NECAB3: variants seen among roughly 807,000 people sequenced by gnomAD.
NECAB3 encodes N-terminal EF-hand calcium-binding protein 3.
NECAB3 carries 38 observed loss-of-function variants against 57.2 expected under a neutral mutation model. That is an observed-to-expected ratio of 0.66 (90% CI 0.51 to 0.87). The LOEUF (loss-of-function observed/expected upper bound fraction) is 0.87. Among genes scored for constraint, NECAB3 ranks in the 40% least tolerant of loss-of-function variants. The pLI is 0.00. For synonymous variants in NECAB3, 223 were observed against 222.6 expected (o/e 1.00, Z -0.02); for missense variants, 474 against 527.5 (o/e 0.90, Z 0.99).
intron 5 of NECAB3, chr20:33,662,347 T>C (rs1267944821): frequency 6.4e-7 from 1 of 1,551,140 alleles, no homozygotes; most frequent in South Asian, 1.2e-5. Context: ...AGCCCTGCCA[T>C]GGGAAACTAT....
chr20:33,663,590 A>G lies in NECAB3; in HGVS notation c.388-3195T>C, dbSNP rs7260921. On this transcript the variant is annotated intron_variant, in intron 5 of 11. Transcript: ENST00000246190. Reference sequence around the variant, plus strand: ...CGGCAGCCGCTGGCCAACGCTGGGCAACGGATTGACTACGCGTCCGGCGCT... The same window carrying G: ...CGGCAGCCGCTGGCCAACGCTGGGCGACGGATTGACTACGCGTCCGGCGCT... 0.03 allele frequency: 48,487 copies of G among 1,611,212 alleles called. 7,257 individuals are homozygous for G. In the African/African-American group the frequency reaches 0.37, roughly 12 times the overall value.
At position 33,660,333 on chromosome 20, in the gene NECAB3, C is replaced by T. The variant is rs752347742; in HGVS notation, c.450G>A (p.Val150=). 4.3e-6 allele frequency: 7 copies of T among 1,613,548 alleles called. No homozygotes were observed. The highest frequency in any genetic ancestry group is 1.3e-5 in the African/African-American group (1 of 75,058). ...AGCTCTGAAGGGCTTGCAGCTGGCT[C>T]ACCGTCTCCCGCAGCAGGAAGCGCG... ...FVTRFLLRET[V]SQLQALQSSL... is the part of the protein sequence containing the mutation. The change falls in exon 6 of 12, where the codon GTG becomes GTA. Residue 150 remains valine, a synonymous_variant. Transcript: ENST00000246190. The surrounding 1 kb of genome is among the most constrained non-coding windows in gnomAD (Gnocchi z 4.1).
chr20:33,674,019 G>T (rs2017892380), intron 1 of NECAB3, among the ~76,000 whole-genome samples: 1 of 152,184 alleles, frequency 6.6e-6, no homozygotes, highest in African/African-American at 2.4e-5. Context: ...GAGGCAGCAG[G>T]GGCAGTGACA....
At chr20:33,669,036 T>C in intron 5 of NECAB3, 1 of 301,330 alleles carries the variant, frequency 3.3e-6, no homozygotes, top group Non-Finnish European at 6.3e-6. Context: ...ACAGTTGTGA[T>C]GGGCCAGCAA....
At chr20:33,665,904 G>A (rs559377423) in intron 5 of NECAB3, among the ~76,000 whole-genome samples, 2 of 152,144 alleles carry the variant, frequency 1.3e-5, no homozygotes, top group Non-Finnish European at 2.9e-5. Flanking sequence ...CCAACGTGGC[G>A]AAACCCTGTC....
At position 33,657,761 on chromosome 20, in the gene NECAB3, G is replaced by A; in HGVS notation, c.*68C>T. ...CAAGTCCTGGTCTTTGCGCTGGGCT[G>A]GCCAGTCCAGAAGGCTCCAGAGGGA... On this transcript the variant is annotated 3_prime_UTR_variant, in exon 12 of 12. Transcript: ENST00000246190. The A allele has an allele frequency of 6.9e-7, 1 of 1,453,460 alleles. No individual in the cohort carries two copies. Among genetic ancestry groups the A allele is most frequent in the Non-Finnish European group, 9.1e-7 (1 of 1,094,424 alleles). The allele number at this position is 1,453,460 out of a possible 1,614,324, so 90.0% of individuals were successfully genotyped here. A position where few individuals can be genotyped will look rare whatever the true frequency, so the allele number is the denominator to read the frequency against.
At chr20:33,671,493 C>G (rs1950269424) in intron 2 of NECAB3, among the ~76,000 whole-genome samples, 1 of 151,984 alleles carries the variant, frequency 6.6e-6, no homozygotes, top group African/African-American at 2.4e-5. Flanking sequence ...ACAAACAATC[C>G]CCATCAATTT....
chr20:33,658,906 A>G (rs1210641748), intron 8 of NECAB3, 72 bp from the exon 9 acceptor site: 8 of 1,071,432 alleles, frequency 7.5e-6, no homozygotes, highest in African/African-American at 1.6e-5. Flanking sequence ...GGCCTCCAGG[A>G]GGTTCTCAGC....
At chr20:33,673,769 C>T (rs2017884410) in intron 1 of NECAB3, among the ~76,000 whole-genome samples, 1 of 152,090 alleles carries the variant, frequency 6.6e-6, no homozygotes. Flanking sequence ...CACCCATGGC[C>T]CCATGGGAGG....
At chr20:33,671,807 T>C (rs1347688373) in intron 2 of NECAB3, among the ~76,000 whole-genome samples, 1 of 152,186 alleles carries the variant, frequency 6.6e-6, no homozygotes, top group Non-Finnish European at 1.5e-5. Context: ...CCCAGCTTTA[T>C]CCTTGCCCAA....
In NECAB3 at chr20:33,662,584, AG is replaced by A. The variant is rs1427574747; in HGVS notation, c.388-2190del. On this transcript the variant is annotated intron_variant, in intron 5 of 11. Coordinates refer to ENST00000246190, the MANE Select transcript of NECAB3 (RefSeq NM_031232.4). ...TCTAGGCCTTGTATGCAGAAGTCCT[AG>A]GGGGTGAGGGAGGAATTCGAAAATC... The A allele has an allele frequency of 3.2e-6, 4 of 1,241,512 alleles. No individual in the cohort carries two copies. In the East Asian group the frequency reaches 7.7e-5, roughly 24 times the overall value. The allele number at this position is 1,241,512 out of a possible 1,614,324, so 76.9% of individuals were successfully genotyped here.
rs892555853 is a variant in NECAB3, at chr20:33,670,709, T to C, written c.238A>G (p.Ser80Gly). ...LSLGELQELFSGIDGHLTDNL... is the reference protein window; with the variant it reads ...LSLGELQELFGGIDGHLTDNL... ...TCGGTGAGATGCCCATCAATGCCGC[T>C]GAACAGTTCCTGCAGCTCCCCCAGG... The change falls in exon 3 of 12, where the codon AGC becomes GGC. Residue 80 changes from serine to glycine, a missense_variant. By Grantham distance (56) the Ser-to-Gly change is moderately conservative (BLOSUM62 0). Coordinates refer to ENST00000246190, the MANE Select transcript of NECAB3 (RefSeq NM_031232.4). 3 of 1,613,928 alleles carry C rather than the reference T, an allele frequency of 1.9e-6. No individual in the cohort carries two copies. The highest frequency in any genetic ancestry group is 1.3e-5 in the African/African-American group (1 of 74,912).
intron 10 of NECAB3, 37 bp downstream of exon 10, chr20:33,658,440 C>T (rs1254757033): frequency 1.2e-6 from 2 of 1,602,084 alleles, no homozygotes; most frequent in Middle Eastern, 1.6e-4. Flanking sequence ...TCCAGGGCCA[C>T]ATTCCATGGT....
At chr20:33,658,056 G>A in intron 10 of NECAB3, 23 bp from the exon 11 acceptor site, 1 of 1,545,522 alleles carries the variant, frequency 6.5e-7, no homozygotes, top group East Asian at 2.4e-5. Flanking sequence ...AGGCTACAGT[G>A]ACCTCGCTCT....
At chr20:33,668,076 G>C (rs41290882) in intron 5 of NECAB3, 5 of 1,583,830 alleles carry the variant, frequency 3.2e-6, no homozygotes, top group Non-Finnish European at 4.3e-6. Context: ...ACGGCTACGC[G>C]GCCCTGCGGC....
rs760107824 is a variant in NECAB3 at position 33,663,518 on chromosome 20, T to C, written c.388-3123A>G. 1.2e-5 allele frequency: 19 copies of C among 1,605,500 alleles called. No individual in the cohort carries two copies. The East Asian group carries it at 3.8e-4, about 32-fold the overall frequency. ...AGCGCGCTCTCCCGCCTCACGCCCCTGTTCCACCCCCAGACCAGGATCGTG... is the reference window on the plus strand; with the variant it reads ...AGCGCGCTCTCCCGCCTCACGCCCCCGTTCCACCCCCAGACCAGGATCGTG... On this transcript the variant is annotated intron_variant, in intron 5 of 11. Coordinates refer to ENST00000246190, the MANE Select transcript of NECAB3 (RefSeq NM_031232.4).
chr20:33,664,510 A>G (rs2017592373), intron 5 of NECAB3: 1 of 180,288 alleles, frequency 5.5e-6, no homozygotes, highest in Non-Finnish European at 1.2e-5. Context: ...ACCCTGTCCC[A>G]TCTCCTTCCC....
rs1381404520 is a variant in NECAB3 at position 33,660,326 on chromosome 20, G to C, written c.457C>G (p.Leu153Val). Reference protein sequence around the residue: ...RFLLRETVSQLQALQSSLEGA... With the variant: ...RFLLRETVSQVQALQSSLEGA... ...TCCAGCGAGCTCTGAAGGGCTTGCA[G>C]CTGGCTCACCGTCTCCCGCAGCAGG... Residue 153 changes from leucine to valine, a missense_variant, in exon 6 of 12, where the codon CTG (leucine) becomes GTG (valine). Coordinates refer to ENST00000246190, the MANE Select transcript of NECAB3 (RefSeq NM_031232.4). This position sits in a 1 kb window ranked among gnomAD's most constrained non-coding sequence, Gnocchi z 4.1. 1 of 1,613,502 alleles carries C rather than the reference G, an allele frequency of 6.2e-7. No homozygotes were observed. Among genetic ancestry groups the C allele is most frequent in the Non-Finnish European group, 8.5e-7 (1 of 1,180,002 alleles).
chr20:33,658,773 C>T lies in NECAB3; in HGVS notation c.941G>A (p.Arg314Gln), dbSNP rs964180337. The T allele has an allele frequency of 4.3e-6, 7 of 1,613,474 alleles. No individual in the cohort carries two copies. The highest frequency in any genetic ancestry group is 2.2e-5 in the East Asian group (1 of 44,878). ...GAAGTCCACATAGCAGCGCAGGGCT[C>T]GGTGGAAGTCCTGCAGGCCTTCCTC... is the stretch of plus-strand genomic sequence containing the variant. Reference protein sequence around the residue: ...VAEEGLQDFHRALRCYVDFTG... With the variant: ...VAEEGLQDFHQALRCYVDFTG... Residue 314 changes from arginine to glutamine, a missense_variant, in exon 9 of 12, where the codon CGA becomes CAA. Transcript: ENST00000246190.
Sources: allele counts gnomAD v4.1 joint callset (sites outside exome capture counted in the v4.1 genomes callset), GRCh38; gene constraint gnomAD v4.1.1; non-coding constraint Gnocchi (gnomAD v3.1); transcripts MANE v1.5; gene names NCBI Gene and HGNC (gene_info 2026-07-23, HGNC 2026-07-21).